The following PCDHGA3 variants were observed in gnomAD, a reference collection of about 807,000 sequenced individuals.
The protein encoded by PCDHGA3 is protocadherin gamma-A3.
PCDHGA3 carries 40 observed loss-of-function variants against 58.5 expected under a neutral mutation model. The observed-to-expected ratio is 0.68, with a 90% CI of 0.53 to 0.89. The LOEUF (loss-of-function observed/expected upper bound fraction) is 0.89. Ranked by LOEUF, PCDHGA3 falls within the 40% of genes least tolerant of loss-of-function variation. The pLI is 0.00. For synonymous variants in PCDHGA3, 530 were observed against 525.7 expected (o/e 1.01, Z -0.11); for missense variants, 1,223 against 1,195.9 (o/e 1.02, Z -0.33).
At chr5:141,495,255 G>A (rs1055329757) in intron 2 of PCDHGA3, among the ~76,000 whole-genome samples, 5 of 152,212 alleles carry the variant, frequency 3.3e-5, no homozygotes, top group African/African-American at 1.2e-4. Flanking sequence ...GGCTCAGGCA[G>A]AAAAGCATTT....
rs780836649 is a variant in PCDHGA3 at position 141,414,681 on chromosome 5, G to C, written c.2424+68224G>C. 38 of 1,613,836 alleles carry C rather than the reference G, an allele frequency of 2.4e-5. 1 individual carries two copies. The East Asian group carries it at 8.5e-4, about 36-fold the overall frequency. ...CCCTGGCTGAAGACACCATCCAGGG[G>C]GTACCTCTGTCCTCATACATATCCA... On this transcript the variant is annotated intron_variant, in intron 1 of 3. Coordinates refer to ENST00000253812, the MANE Select transcript of PCDHGA3 (RefSeq NM_018916.4).
intron 1 of PCDHGA3, among the ~76,000 whole-genome samples, chr5:141,474,926 C>T (rs756761848): frequency 1.3e-5 from 2 of 152,218 alleles, no homozygotes; most frequent in Non-Finnish European, 2.9e-5. Context: ...TCATCTCTGG[C>T]TTATATCACA....
chr5:141,396,814 G>C (rs573559857), intron 1 of PCDHGA3, among the ~76,000 whole-genome samples: 10 of 152,322 alleles, frequency 6.6e-5, no homozygotes, highest in African/African-American at 2.2e-4. Flanking sequence ...GTGTTCTACT[G>C]TATGGTGCAT....
At chr5:141,508,927 A>C (rs1562237319) in intron 3 of PCDHGA3, among the ~76,000 whole-genome samples, 1 of 151,542 alleles carries the variant, frequency 6.6e-6, no homozygotes. Context: ...TTCCTTTTGG[A>C]GTTAATTAGG....
chr5:141,487,162 G>T lies in PCDHGA3; in HGVS notation c.2425-7645G>T, dbSNP rs2099640627. 6.2e-7 allele frequency: 1 copy of T among 1,613,496 alleles called. No individual in the cohort carries two copies. Among genetic ancestry groups the T allele is most frequent in the African/African-American group, 1.3e-5 (1 of 75,026 alleles). On this transcript the variant is annotated intron_variant, in intron 1 of 3. Transcript: ENST00000253812. This position sits in a 1 kb window ranked among gnomAD's most constrained non-coding sequence, Gnocchi z 5.0. ...TCTCTACCTCTGTTACTCTCTTAGTGTCCTTAGAGGAAGACACTCATCCAG... is the reference window on the plus strand; with the variant it reads ...TCTCTACCTCTGTTACTCTCTTAGTTTCCTTAGAGGAAGACACTCATCCAG...
chr5:141,366,183 C>A, intron 1 of PCDHGA3: 6 of 1,613,986 alleles, frequency 3.7e-6, no homozygotes, highest in Non-Finnish European at 5.1e-6. Context: ...GGACTCTTTG[C>A]GGTTGGGCTG....
intron 1 of PCDHGA3, chr5:141,360,769 C>T (rs1427744238): frequency 6.2e-7 from 1 of 1,613,942 alleles, no homozygotes; most frequent in African/African-American, 1.3e-5. Flanking sequence ...TCAATTGGTC[C>T]TCACAGCTGT....
In PCDHGA3 at chr5:141,431,159, C is replaced by A. The variant is rs1017606383; in HGVS notation, c.2425-63648C>A. On this transcript the variant is annotated intron_variant, in intron 1 of 3. Coordinates refer to ENST00000253812, the MANE Select transcript of PCDHGA3 (RefSeq NM_018916.4). The surrounding 1 kb of genome is among the most constrained non-coding windows in gnomAD (Gnocchi z 4.8). The stretch of plus-strand genomic sequence containing the variant: ...CATTAACGACAATGCGCCTTACTTT[C>A]GTGAAAGTGAATTAGAAATAAAAAT... The A allele has an allele frequency of 6.2e-7, 1 of 1,614,158 alleles. No homozygotes were observed. The highest frequency in any genetic ancestry group is 1.3e-5 in the African/African-American group (1 of 75,046).
At position 141,432,275 on chromosome 5, in the gene PCDHGA3, T is replaced by C. The variant is rs775413198; in HGVS notation, c.2425-62532T>C. 2 of 1,614,232 alleles carry C rather than the reference T, an allele frequency of 1.2e-6. No homozygotes were observed. Among genetic ancestry groups the C allele is most frequent in the South Asian group, 2.2e-5 (2 of 91,086 alleles). On this transcript the variant is annotated intron_variant, in intron 1 of 3. Coordinates refer to ENST00000253812, the MANE Select transcript of PCDHGA3 (RefSeq NM_018916.4). This position sits in a 1 kb window ranked among gnomAD's most constrained non-coding sequence, Gnocchi z 6.0. ...AGGGGCAAGCCTATCGTCCTACGTG[T>C]CCATCAACTCCGACACTGGGGTACT... is the stretch of plus-strand genomic sequence containing the variant.
At chr5:141,371,426 C>T (rs1210982594) in intron 1 of PCDHGA3, 34 of 1,613,774 alleles carry the variant, frequency 2.1e-5, no homozygotes, top group Non-Finnish European at 2.7e-5. Flanking sequence ...ATGACAATGC[C>T]CCGGAGATAA....
At chr5:141,415,318 C>T (rs1324377536) in intron 1 of PCDHGA3, 4 of 1,614,252 alleles carry the variant, frequency 2.5e-6, no homozygotes, top group Admixed American at 1.7e-5. Flanking sequence ...CGTCATCGTG[C>T]TGCTGGCGCA....
intron 1 of PCDHGA3, chr5:141,408,896 GT>G: frequency 6.2e-7 from 1 of 1,613,328 alleles, no homozygotes; most frequent in Non-Finnish European, 8.5e-7. Context: ...AGAAATTTCT[GT>G]CAAGGATACC....
At position 141,346,202 on chromosome 5, in the gene PCDHGA3, C is replaced by T. The variant is rs753036053; in HGVS notation, c.2169C>T (p.Arg723=). 4.6e-5 allele frequency: 74 copies of T among 1,614,004 alleles called. No individual in the cohort carries two copies. Among genetic ancestry groups the T allele is most frequent in the Middle Eastern group, 3.3e-4 (2 of 6,072 alleles). Residue 723 remains arginine (R), a synonymous_variant, in exon 1 of 4, where the codon CGC becomes CGT. Transcript: ENST00000253812. ...ALRLRRWHKS[R]LLQASGGGLA... Reference sequence around the variant, plus strand: ...GGCTGCGGCGCTGGCACAAGTCACGCCTGCTGCAGGCTTCGGGAGGCGGCT... The same window carrying T: ...GGCTGCGGCGCTGGCACAAGTCACGTCTGCTGCAGGCTTCGGGAGGCGGCT...
At position 141,345,678 on chromosome 5, in the gene PCDHGA3, A is replaced by G. The variant is rs1044016495; in HGVS notation, c.1645A>G (p.Asn549Asp). Residue 549 changes from asparagine to aspartate, a missense_variant, in exon 1 of 4, where the codon AAC (asparagine) becomes GAC (aspartate). Asn to Asp is a conservative substitution (Grantham distance 23, BLOSUM62 1). Transcript: ENST00000253812. ...NPPLSSNVSLNLFVLDQNDNA... is the reference protein window; with the variant it reads ...NPPLSSNVSLDLFVLDQNDNA... Reference sequence around the variant, plus strand: ...TCCACTCAGCAGCAACGTGTCGCTGAACCTGTTCGTGCTGGACCAGAACGA... The same window carrying G: ...TCCACTCAGCAGCAACGTGTCGCTGGACCTGTTCGTGCTGGACCAGAACGA... 8.1e-6 allele frequency: 13 copies of G among 1,614,068 alleles called. No individual in the cohort carries two copies. The highest frequency in any genetic ancestry group is 1.1e-5 in the Non-Finnish European group (13 of 1,180,048).
intron 1 of PCDHGA3, chr5:141,383,360 T>C (rs1319923403): frequency 6.2e-7 from 1 of 1,614,006 alleles, no homozygotes; most frequent in Admixed American, 1.7e-5. Flanking sequence ...CGGTTTCCGT[T>C]AAGCGAGGCT....
chr5:141,352,090 C>T (rs565782021), intron 1 of PCDHGA3: 12 of 1,605,188 alleles, frequency 7.5e-6, no homozygotes, highest in East Asian at 6.7e-5. Flanking sequence ...CCAGCGAGCC[C>T]GGGCTCTTCA....
At chr5:141,410,005 C>T (rs1009148964) in intron 1 of PCDHGA3, 16 of 1,613,172 alleles carry the variant, frequency 9.9e-6, no homozygotes, top group Non-Finnish European at 1.3e-5. Context: ...CGGGACACAA[C>T]GCCTGGCTGT....
intron 1 of PCDHGA3, among the ~76,000 whole-genome samples, chr5:141,381,853 G>A (rs1391897608): frequency 1.4e-5 from 1 of 72,944 alleles, no homozygotes; most frequent in Non-Finnish European, 2.5e-5. Flanking sequence ...TTTTTTGGCA[G>A]AGTTTTGCTC....
intron 1 of PCDHGA3, chr5:141,420,995 C>T (rs1448491394): frequency 2.0e-6 from 1 of 503,150 alleles, no homozygotes; most frequent in East Asian, 3.3e-5. Flanking sequence ...CGCCGCTGCT[C>T]ACCAATCAGG....
Sources: gnomAD v4.1 joint callset for allele counts (sites outside exome capture counted in the v4.1 genomes callset) on GRCh38, gnomAD v4.1.1 for gene constraint, Gnocchi (gnomAD v3.1) non-coding constraint, MANE v1.5 for transcripts, NCBI Gene and HGNC (gene_info 2026-07-23, HGNC 2026-07-21) for gene names.